Variants in ZMYM1 observed in about 807,000 individuals in gnomAD.
The protein encoded by ZMYM1 is zinc finger MYM-type containing 1.
Under a neutral mutation model 60.0 loss-of-function variants are expected in ZMYM1, and 39 were observed. The observed-to-expected ratio is 0.65, with a 90% CI of 0.50 to 0.85. The LOEUF (loss-of-function observed/expected upper bound fraction) is 0.85, where lower values mean the gene tolerates loss of function less well. Ranked by LOEUF, ZMYM1 falls within the 40% of genes least tolerant of loss-of-function variation. The pLI is 0.00. For missense variants in ZMYM1, 1,171 were observed against 1,309.5 expected, an observed-to-expected ratio of 0.89 and a Z score of 1.63; for synonymous variants, 413 against 454.0, an observed-to-expected ratio of 0.91 and a Z score of 1.15.
chr1:35,093,039 T>C (rs1322849919), intron 1 of ZMYM1, among the ~76,000 whole-genome samples: 1 of 152,120 alleles, frequency 6.6e-6, no homozygotes, highest in African/African-American at 2.4e-5. Flanking sequence ...AAAATAAGTA[T>C]TTGTGAGAAA....
chr1:35,094,351 C>G (rs1050843432), intron 2 of ZMYM1, among the ~76,000 whole-genome samples: 1 of 152,092 alleles, frequency 6.6e-6, no homozygotes, highest in African/African-American at 2.4e-5. Flanking sequence ...AAGGTTAACA[C>G]TTTTTTTCTT....
At chr1:35,063,208 C>A (rs960393375) in intron 1 of ZMYM1, among the ~76,000 whole-genome samples, 2 of 151,884 alleles carry the variant, frequency 1.3e-5, no homozygotes, top group Non-Finnish European at 2.9e-5. Flanking sequence ...CTCACTGCAG[C>A]CTCAGATTCC....
rs1557727947 is a variant in ZMYM1 at position 35,114,802 on chromosome 1, T to TA, written c.2975dup (p.Gln993AlafsTer8). 6.2e-7 allele frequency: 1 copy of TA among 1,606,930 alleles called. No homozygotes were observed. The highest frequency in any genetic ancestry group is 8.5e-7 in the Non-Finnish European group (1 of 1,176,626). On this transcript the variant is annotated frameshift_variant, in exon 10 of 10. Transcript: ENST00000359858. LOFTEE classifies it low-confidence loss of function (END_TRUNC). ...TTTTCGGAGTTTGATTATTGCAAAA[T>TA]AAAGCAAATTTCAGAACTGTTATTT...
chr1:35,068,989 G>A (rs925940959), intron 1 of ZMYM1, among the ~76,000 whole-genome samples: 1 of 151,852 alleles, frequency 6.6e-6, no homozygotes, highest in African/African-American at 2.4e-5. Context: ...GGTGCGCCTG[G>A]CTAATTTTAG....
At chr1:35,110,710 C>A (rs1250372644) in intron 7 of ZMYM1, among the ~76,000 whole-genome samples, 1 of 152,010 alleles carries the variant, frequency 6.6e-6, no homozygotes, top group Non-Finnish European at 1.5e-5. Context: ...GTGGGCAGAT[C>A]GCCTGAGGTC....
At chr1:35,064,738 G>A (rs1641940162) in intron 1 of ZMYM1, among the ~76,000 whole-genome samples, 1 of 142,288 alleles carries the variant, frequency 7.0e-6, no homozygotes. Flanking sequence ...CCAGGCTGGA[G>A]TGCAGTGGCG....
chr1:35,063,437 A>G (rs1238194547), intron 1 of ZMYM1, among the ~76,000 whole-genome samples: 1 of 152,084 alleles, frequency 6.6e-6, no homozygotes, highest in Non-Finnish European at 1.5e-5. Context: ...CCTCCCGAGT[A>G]TCTGGGACCA....
At chr1:35,087,431 C>CT (rs11367127) in intron 1 of ZMYM1, among the ~76,000 whole-genome samples, 26 of 142,212 alleles carry the variant, frequency 1.8e-4, no homozygotes, top group African/African-American at 5.7e-4. Flanking sequence ...CTTGCATTTT[C>CT]TTTTTTTTTT....
chr1:35,105,780 T>C (rs533649322), intron 6 of ZMYM1, among the ~76,000 whole-genome samples: 20 of 152,234 alleles, frequency 1.3e-4, no homozygotes, highest in African/African-American at 4.3e-4. Context: ...TAATTTTTAA[T>C]TTTTTTGTAG....
At chr1:35,072,426 T>G (rs1642083689) in intron 1 of ZMYM1, among the ~76,000 whole-genome samples, 1 of 152,126 alleles carries the variant, frequency 6.6e-6, no homozygotes, top group African/African-American at 2.4e-5. Flanking sequence ...GTCATTTTAT[T>G]TATTTGGGTC....
In ZMYM1 at chr1:35,114,360, G is replaced by C; in HGVS notation, c.2530G>C (p.Asp844His). 1 of 1,612,116 alleles carries C rather than the reference G, an allele frequency of 6.2e-7. No homozygotes were observed. The highest frequency in any genetic ancestry group is 8.5e-7 in the Non-Finnish European group (1 of 1,179,296). ...ASHSSNTSFA[D>H]ELSHLLTLVS... The stretch of plus-strand genomic sequence containing the variant: ...CCATTCTTCAAATACAAGTTTCGCC[G>C]ATGAATTGAGTCATTTGCTGACATT... The change falls in exon 10 of 10, where the codon GAT becomes CAT. Residue 844 changes from aspartate (D) to histidine (H), a missense_variant. Physicochemically the swap from Asp to His is moderately conservative, Grantham distance 81 (BLOSUM62 -1). Coordinates refer to ENST00000359858, the MANE Select transcript of ZMYM1 (RefSeq NM_024772.5).
At chr1:35,092,466 C>G (rs1432940285) in intron 1 of ZMYM1, among the ~76,000 whole-genome samples, 1 of 151,144 alleles carries the variant, frequency 6.6e-6, no homozygotes, top group African/African-American at 2.4e-5. Context: ...GTCTCAAACT[C>G]CTGACCTCAG....
At position 35,113,273 on chromosome 1, in the gene ZMYM1, G is replaced by C. The variant is rs1266268510; in HGVS notation, c.1443G>C (p.Gln481His). 6.2e-7 allele frequency: 1 copy of C among 1,612,778 alleles called. No homozygotes were observed. The highest frequency in any genetic ancestry group is 1.3e-5 in the African/African-American group (1 of 75,054). Residue 481 changes from glutamine (Q) to histidine (H), a missense_variant, in exon 10 of 10, where the codon CAG becomes CAC. Coordinates refer to ENST00000359858, the MANE Select transcript of ZMYM1 (RefSeq NM_024772.5). ...ATGTGGCATTCTGTTATTCATGCCA[G>C]TTGTTCTGCCAAAAATATTTTAGCT... ...KKDVAFCYSC[Q>H]LFCQKYFSCG... is the part of the protein sequence containing the mutation.
chr1:35,117,074 G>T (rs561168617), downstream of ZMYM1, among the ~76,000 whole-genome samples: 4 of 148,324 alleles, frequency 2.7e-5, no homozygotes, highest in Admixed American at 2.0e-4. Flanking sequence ...CTCGTGATCC[G>T]CCCGCCTCGG....
chr1:35,068,669 A>T (rs1168682724), intron 1 of ZMYM1, among the ~76,000 whole-genome samples: 15 of 150,048 alleles, frequency 1.0e-4, no homozygotes, highest in Middle Eastern at 3.2e-3. Context: ...TATATATATA[A>T]AACTACACCT....
At chr1:35,090,158 G>A (rs138610687) in intron 1 of ZMYM1, among the ~76,000 whole-genome samples, 1,562 of 151,972 alleles carry the variant, frequency 0.01, 30 homozygotes, top group African/African-American at 0.035. Flanking sequence ...CACCCACCTC[G>A]GCCTCCCCAA....
In ZMYM1 at chr1:35,113,584, A is replaced by G. The variant is rs1644169149; in HGVS notation, c.1754A>G (p.Asn585Ser). 3 of 1,613,610 alleles carry G rather than the reference A, an allele frequency of 1.9e-6. No individual in the cohort carries two copies. Among genetic ancestry groups the G allele is most frequent in the Non-Finnish European group, 1.7e-6 (2 of 1,179,872 alleles). The change falls in exon 10 of 10, where the codon AAT becomes AGT. Residue 585 changes from asparagine to serine, a missense_variant. Physicochemically the swap from Asn to Ser is conservative, Grantham distance 46 (BLOSUM62 1). Coordinates refer to ENST00000359858, the MANE Select transcript of ZMYM1 (RefSeq NM_024772.5). ...TCAGTTTCATCTGTGAATAAAGGCA[A>G]TTTTTTAGAATTGTTAGAAATGAGA... ...DQSVSSVNKG[N>S]FLELLEMRAK...
chr1:35,088,481 T>C (rs1232571421), intron 1 of ZMYM1, among the ~76,000 whole-genome samples: 1 of 146,196 alleles, frequency 6.8e-6, no homozygotes, highest in East Asian at 2.0e-4. Context: ...TGTGTGTGTG[T>C]GTGTGTGTGT....
chr1:35,116,834 A>ATTTT (rs1261996756), downstream of ZMYM1, among the ~76,000 whole-genome samples: 3 of 65,972 alleles, frequency 4.5e-5, no homozygotes, highest in Non-Finnish European at 3.3e-5. Context: ...CTAGGCCTGG[A>ATTTT]ATTTTTTTTT....
Sources: gnomAD v4.1 joint callset for allele counts (sites outside exome capture counted in the v4.1 genomes callset) on GRCh38, gnomAD v4.1.1 for gene constraint, MANE v1.5 for transcripts, NCBI Gene and HGNC (gene_info 2026-07-23, HGNC 2026-07-21) for gene names.